Variants in BRINP3 observed in about 807,000 individuals in gnomAD.
The protein encoded by BRINP3 is BMP/retinoic acid inducible neural specific 3, also known as BMP/retinoic acid-inducible neural-specific protein 3.
Under a neutral mutation model 71.0 loss-of-function variants are expected in BRINP3, and 19 were observed. The observed-to-expected ratio is 0.27, with a 90% confidence interval of 0.19 to 0.39. BRINP3 has a LOEUF of 0.39. BRINP3 is among the 10% of genes least tolerant of loss of function. The pLI is 1.00. For missense variants in BRINP3, 959 were observed against 940.8 expected, an observed-to-expected ratio of 1.02 and a Z score of -0.25; for synonymous variants, 380 against 337.7, an observed-to-expected ratio of 1.13 and a Z score of -1.37.
chr1:190,128,823 T>C (rs78020336), intron 7 of BRINP3, among the ~76,000 whole-genome samples: 2 of 151,738 alleles, frequency 1.3e-5, no homozygotes, highest in Non-Finnish European at 3.0e-5. Context: ...ATGTAACATA[T>C]CTTAAATATA....
intron 2 of BRINP3, among the ~76,000 whole-genome samples, chr1:190,411,448 A>C (rs74130741): frequency 6.6e-6 from 1 of 152,154 alleles, no homozygotes; most frequent in Non-Finnish European, 1.5e-5. Flanking sequence ...AAGAAAGAAA[A>C]TAATAGGCCA....
At chr1:190,277,412 T>G (rs1185828349) in intron 3 of BRINP3, among the ~76,000 whole-genome samples, 1 of 151,390 alleles carries the variant, frequency 6.6e-6, no homozygotes, top group African/African-American at 2.4e-5. Flanking sequence ...CTACTATGAC[T>G]GGTTGGATAA....
At chr1:190,448,161 A>G (rs1675353097) in intron 2 of BRINP3, among the ~76,000 whole-genome samples, 1 of 151,664 alleles carries the variant, frequency 6.6e-6, no homozygotes, top group South Asian at 2.1e-4. Context: ...TACTATTAAA[A>G]CTGAATTCTC....
At chr1:190,197,418 C>A (rs185753160) in intron 6 of BRINP3, among the ~76,000 whole-genome samples, 142 of 152,298 alleles carry the variant, frequency 9.3e-4, no homozygotes, top group Admixed American at 2.6e-3. Context: ...AGTCCAAAGT[C>A]TCACCTGAAG....
At chr1:190,195,991 G>A (rs1654444701) in intron 6 of BRINP3, among the ~76,000 whole-genome samples, 1 of 152,036 alleles carries the variant, frequency 6.6e-6, no homozygotes. Flanking sequence ...GATAACTGTT[G>A]GCAGTTGTTC....
In BRINP3 at chr1:190,099,031, T is replaced by G; in HGVS notation, c.1288A>C (p.Asn430His). ...AACGCGGTGCAGACCACCTGGTCAT[T>G]CGGACACGTGCACGAGTGCGTCTCT... is the stretch of plus-strand genomic sequence containing the variant. ...SEETHSCTCP[N>H]DQVVCTAFLP... Residue 430 changes from asparagine to histidine, a missense_variant, in exon 8 of 8, where the codon AAT becomes CAT. Transcript: ENST00000367462. The G allele has an allele frequency of 6.2e-7, 1 of 1,614,092 alleles. No homozygotes were observed. Among genetic ancestry groups the G allele is most frequent in the South Asian group, 1.1e-5 (1 of 91,078 alleles).
At chr1:190,127,517 C>A (rs1207038903) in intron 7 of BRINP3, among the ~76,000 whole-genome samples, 1 of 151,796 alleles carries the variant, frequency 6.6e-6, no homozygotes, top group African/African-American at 2.4e-5. Context: ...AATATACAGA[C>A]TTTCTAAAAG....
chr1:190,239,716 A>G (rs1232954542), intron 4 of BRINP3, among the ~76,000 whole-genome samples: 1 of 152,030 alleles, frequency 6.6e-6, no homozygotes, highest in Non-Finnish European at 1.5e-5. Context: ...CACATCATCT[A>G]TATCTATATT....
Position 190,464,149 on chromosome 1 carries a change from A to ATTTT in BRINP3, c.-50-9210_-50-9209insAAAA, listed in dbSNP as rs1558310066. 4.3e-3 allele frequency among the ~76,000 whole-genome samples: 655 copies of ATTTT among 151,082 alleles called. 2 individuals carry two copies. Among genetic ancestry groups the ATTTT allele is most frequent in the African/African-American group, 0.016 (635 of 40,886 alleles). The stretch of plus-strand genomic sequence containing the variant: ...TCTTTCAAAAAGTGTTTTTTTTTAA[A>ATTTT]AAAAAAAGTAAACTAAAAGTTAGTG... On this transcript the variant is annotated intron_variant, in intron 1 of 7. Transcript: ENST00000367462.
intron 4 of BRINP3, among the ~76,000 whole-genome samples, chr1:190,245,722 A>G (rs2102789976): frequency 6.6e-6 from 1 of 151,204 alleles, no homozygotes; most frequent in East Asian, 2.0e-4. Flanking sequence ...CATTTACATT[A>G]GGTATATCTC....
At chr1:190,306,965 C>A (rs1665144826) in intron 2 of BRINP3, among the ~76,000 whole-genome samples, 1 of 151,930 alleles carries the variant, frequency 6.6e-6, no homozygotes, top group Non-Finnish European at 1.5e-5. Context: ...ATTGACACTA[C>A]TAGTTTCTCC....
At chr1:190,209,356 G>A (rs116073391) in intron 6 of BRINP3, among the ~76,000 whole-genome samples, 1,596 of 152,210 alleles carry the variant, frequency 0.01, 23 homozygotes, top group African/African-American at 0.036. Flanking sequence ...CAAACAGTGA[G>A]TTTTCAACAT....
chr1:190,205,020 G>C lies in BRINP3; in HGVS notation c.961+21062C>G, dbSNP rs74131311. On this transcript the variant is annotated intron_variant, in intron 6 of 7. Transcript: ENST00000367462. ...AAAAAAAAAAATCAGCCCGGACGAT[G>C]TATGTAACTTCTGAGCAGAATCTTC... Among the ~76,000 whole-genome samples the C allele has an allele frequency of 3.3e-3, 492 of 150,688 alleles. 2 individuals are homozygous for C. Among genetic ancestry groups the C allele is most frequent in the African/African-American group, 0.011 (458 of 41,170 alleles).
At chr1:190,376,696 ACT>A (rs1477386813) in intron 2 of BRINP3, among the ~76,000 whole-genome samples, 21 of 152,184 alleles carry the variant, frequency 1.4e-4, no homozygotes, top group African/African-American at 5.1e-4. Context: ...TCCAAAAAAT[ACT>A]GTTATGAATA....
At chr1:190,355,652 G>GA (rs1345930539) in intron 2 of BRINP3, among the ~76,000 whole-genome samples, 1 of 151,672 alleles carries the variant, frequency 6.6e-6, no homozygotes, top group Non-Finnish European at 1.5e-5. Flanking sequence ...CTAAAATTAA[G>GA]AAAAACATTT....
chr1:190,308,036 G>C (rs755223794), intron 2 of BRINP3, among the ~76,000 whole-genome samples: 3 of 151,794 alleles, frequency 2.0e-5, no homozygotes, highest in Non-Finnish European at 4.4e-5. Context: ...TGACCTTTCT[G>C]TTTGATATGG....
Position 190,097,818 on chromosome 1 carries a change from T to C in BRINP3, c.*200A>G. The C allele has an allele frequency of 1.8e-6, 1 of 558,598 alleles. No individual in the cohort carries two copies. Among genetic ancestry groups the C allele is most frequent in the Non-Finnish European group, 3.1e-6 (1 of 319,956 alleles). The allele number at this position is 558,598 out of a possible 1,614,324, so 34.6% of individuals were successfully genotyped here. On this transcript the variant is annotated 3_prime_UTR_variant, in exon 8 of 8. Coordinates refer to ENST00000367462, the MANE Select transcript of BRINP3 (RefSeq NM_199051.3). Reference sequence around the variant, plus strand: ...TCTTCTAGACTGGTGTCAGTATTTATGTCATTCATAAACCAAAACTGCTGT... The same window carrying C: ...TCTTCTAGACTGGTGTCAGTATTTACGTCATTCATAAACCAAAACTGCTGT...
chr1:190,369,813 T>G (rs974642398), intron 2 of BRINP3, among the ~76,000 whole-genome samples: 7 of 152,162 alleles, frequency 4.6e-5, no homozygotes, highest in African/African-American at 1.7e-4. Context: ...AATTTCAATG[T>G]AATGCTTCAT....
intron 2 of BRINP3, among the ~76,000 whole-genome samples, chr1:190,343,558 C>T (rs1667811050): frequency 6.6e-6 from 1 of 151,532 alleles, no homozygotes; most frequent in South Asian, 2.1e-4. Context: ...TATTTGAATG[C>T]CTTGTATATA....
Sources: gnomAD v4.1 joint callset for allele counts (sites outside exome capture counted in the v4.1 genomes callset) on GRCh38, gnomAD v4.1.1 for gene constraint, MANE v1.5 for transcripts, NCBI Gene and HGNC (gene_info 2026-07-23, HGNC 2026-07-21) for gene names.